Variants in ASTN2 observed in about 807,000 individuals in gnomAD.
The protein encoded by ASTN2 is astrotactin 2.
Under a neutral mutation model 139.8 loss-of-function variants are expected in ASTN2, and 54 were observed. The ratio of observed to expected loss-of-function variants is 0.39; its 90% CI spans 0.31 to 0.48. The LOEUF is 0.48. ASTN2 is among the 20% of genes least tolerant of loss of function. The probability of loss-of-function intolerance (pLI) is 0.95; values close to 1 mark genes in which losing one functional copy is unlikely to be tolerated. For missense variants in ASTN2, 1,565 were observed against 1,725.1 expected (o/e 0.91, Z 1.64); for synonymous variants, 756 against 719.5 (o/e 1.05, Z -0.81).
rs1418335187 is a variant in ASTN2, at chr9:116,729,106, A to G, written c.2522-10T>C. The G allele has an allele frequency of 5.7e-6, 9 of 1,567,078 alleles. No homozygotes were observed. The highest frequency in any genetic ancestry group is 7.8e-6 in the Non-Finnish European group (9 of 1,153,486). On this transcript the variant is annotated splice_polypyrimidine_tract_variant and intron_variant, in intron 14 of 22. Transcript: ENST00000313400. Reference sequence around the variant, plus strand: ...TCATACCTGATATCTCCTGGGAGAGAAAATAAGATGGTCACGTGAGCCCAG... The same window carrying G: ...TCATACCTGATATCTCCTGGGAGAGGAAATAAGATGGTCACGTGAGCCCAG...
At chr9:117,065,891 C>T (rs1827923021) in intron 5 of ASTN2, among the ~76,000 whole-genome samples, 1 of 152,132 alleles carries the variant, frequency 6.6e-6, no homozygotes, top group Admixed American at 6.6e-5. Flanking sequence ...GATTCTGTCA[C>T]TTTCTTCGTA....
At chr9:116,670,463 T>C (rs1282811310) in intron 16 of ASTN2, among the ~76,000 whole-genome samples, 1 of 152,202 alleles carries the variant, frequency 6.6e-6, no homozygotes, top group Non-Finnish European at 1.5e-5. Flanking sequence ...GCCTTATGTA[T>C]TGTATTTTTA....
At chr9:117,258,382 C>T (rs761346139) in intron 2 of ASTN2, among the ~76,000 whole-genome samples, 6 of 152,158 alleles carry the variant, frequency 3.9e-5, no homozygotes, top group Admixed American at 6.5e-5. Context: ...AGCCTCTCAA[C>T]GCACAACTCA....
intron 5 of ASTN2, among the ~76,000 whole-genome samples, chr9:117,075,308 G>C (rs1176390892): frequency 6.6e-6 from 1 of 152,148 alleles, no homozygotes; most frequent in Admixed American, 6.5e-5. Context: ...TCAGCACAGC[G>C]TCAGCGCCTC....
At chr9:116,499,155 T>C (rs1173994114) in intron 19 of ASTN2, among the ~76,000 whole-genome samples, 1 of 152,218 alleles carries the variant, frequency 6.6e-6, no homozygotes, top group Admixed American at 6.5e-5. Context: ...AGTGATAATT[T>C]GTAGTTACTG....
chr9:117,103,514 G>A (rs1248249944), intron 4 of ASTN2, among the ~76,000 whole-genome samples: 1 of 152,138 alleles, frequency 6.6e-6, no homozygotes, highest in Non-Finnish European at 1.5e-5. Flanking sequence ...GGTCTTTCCT[G>A]GGCCTATGAG....
At chr9:116,654,506 C>T (rs1858099666) in intron 16 of ASTN2, among the ~76,000 whole-genome samples, 1 of 152,020 alleles carries the variant, frequency 6.6e-6, no homozygotes, top group Admixed American at 6.6e-5. Context: ...GATTGTGAAT[C>T]TCCGGGGAGA....
chr9:116,968,898 CAAA>C (rs34706777), intron 10 of ASTN2, among the ~76,000 whole-genome samples: 1 of 93,610 alleles, frequency 1.1e-5, no homozygotes. Flanking sequence ...GACTCTGTCT[CAAA>C]AAAAAAAAAA....
At chr9:116,443,636 A>G (rs1847902766) in intron 20 of ASTN2, among the ~76,000 whole-genome samples, 1 of 152,184 alleles carries the variant, frequency 6.6e-6, no homozygotes, top group East Asian at 1.9e-4. Context: ...TCCAAGTTCT[A>G]CAGTTAAGCA....
At chr9:117,232,091 A>G (rs1409512177) in intron 2 of ASTN2, among the ~76,000 whole-genome samples, 1 of 152,148 alleles carries the variant, frequency 6.6e-6, no homozygotes, top group Non-Finnish European at 1.5e-5. Context: ...AAAGCCACCC[A>G]GGGTAAGTGC....
intron 13 of ASTN2, among the ~76,000 whole-genome samples, chr9:116,749,080 T>C (rs1332810740): frequency 6.6e-6 from 1 of 151,824 alleles, no homozygotes; most frequent in Non-Finnish European, 1.5e-5. Context: ...GAACCTTTCC[T>C]GGACCTTTGT....
chr9:116,530,059 C>T (rs1420023669), intron 19 of ASTN2, among the ~76,000 whole-genome samples: 3 of 133,822 alleles, frequency 2.2e-5, no homozygotes, highest in African/African-American at 8.2e-5. Context: ...TGGAATCAAC[C>T]TGAGTATTCA....
At chr9:117,337,788 T>C (rs1465558443) in intron 1 of ASTN2, among the ~76,000 whole-genome samples, 1 of 152,102 alleles carries the variant, frequency 6.6e-6, no homozygotes, top group Non-Finnish European at 1.5e-5. Flanking sequence ...AGTGAGCTCA[T>C]AGCCAAGGGG....
chr9:116,733,017 T>A (rs1828830367), intron 14 of ASTN2, among the ~76,000 whole-genome samples: 1 of 152,206 alleles, frequency 6.6e-6, no homozygotes, highest in Non-Finnish European at 1.5e-5. Flanking sequence ...TTCTTTTACT[T>A]TGGAATGACT....
chr9:117,120,018 G>GTGTGTGTTTATATA, intron 4 of ASTN2, among the ~76,000 whole-genome samples: 1 of 45,998 alleles, frequency 2.2e-5, no homozygotes. Flanking sequence ...GTGTGTGTGT[G>GTGTGTGTTTATATA]TATATATATA....
At chr9:116,888,700 T>TA (rs56244330) in intron 10 of ASTN2, among the ~76,000 whole-genome samples, 7,333 of 148,562 alleles carry the variant, frequency 0.049, 221 homozygotes, top group African/African-American at 0.089. Context: ...TTTTTGTAAT[T>TA]AAAAAAAAAA....
chr9:116,642,918 T>G (rs1857410155), intron 17 of ASTN2, among the ~76,000 whole-genome samples: 1 of 152,190 alleles, frequency 6.6e-6, no homozygotes, highest in African/African-American at 2.4e-5. Context: ...CCTTTTCCAG[T>G]TTTATTTCTA....
chr9:116,480,497 G>T (rs890797051), intron 20 of ASTN2, among the ~76,000 whole-genome samples: 3 of 152,166 alleles, frequency 2.0e-5, no homozygotes, highest in African/African-American at 4.8e-5. Flanking sequence ...AGGTACCAGG[G>T]ATAGAGGATG....
intron 11 of ASTN2, among the ~76,000 whole-genome samples, chr9:116,838,673 C>T (rs1004453756): frequency 4.6e-5 from 7 of 151,744 alleles, no homozygotes; most frequent in Admixed American, 4.6e-4. Context: ...GATCCACCCG[C>T]CTCAGCCTCC....
Sources: gnomAD v4.1 joint callset for allele counts (sites outside exome capture counted in the v4.1 genomes callset) on GRCh38, gnomAD v4.1.1 for gene constraint, MANE v1.5 for transcripts, NCBI Gene and HGNC (gene_info 2026-07-23, HGNC 2026-07-21) for gene names.